ANKRD27: variants seen among roughly 807,000 people sequenced by gnomAD.
ANKRD27 encodes ankyrin repeat domain 27.
ANKRD27 carries 112 observed loss-of-function variants against 129.7 expected under a neutral mutation model. The ratio of observed to expected loss-of-function variants is 0.86; its 90% CI spans 0.74 to 1.01. The LOEUF (loss-of-function observed/expected upper bound fraction) is 1.01, where lower values mean the gene tolerates loss of function less well. Ranked by LOEUF, ANKRD27 falls within the 50% of genes least tolerant of loss-of-function variation. The pLI is 0.00. For missense variants in ANKRD27, 1,258 were observed against 1,300.5 expected (o/e 0.97, Z 0.50); for synonymous variants, 516 against 511.2 (o/e 1.01, Z -0.13).
At chr19:32,660,875 G>A (rs1967630858) in intron 1 of ANKRD27, among the ~76,000 whole-genome samples, 2 of 149,486 alleles carry the variant, frequency 1.3e-5, no homozygotes, top group Admixed American at 1.3e-4. Context: ...TTTTTCTTAG[G>A]ATTTATAGTT....
At chr19:32,612,409 G>GT (rs1295676557) in intron 22 of ANKRD27, among the ~76,000 whole-genome samples, 2 of 152,152 alleles carry the variant, frequency 1.3e-5, no homozygotes, top group African/African-American at 4.8e-5. Flanking sequence ...ACCAGTCTGG[G>GT]TACTATAAGA....
chr19:32,665,456 A>AT (rs111572108), intron 1 of ANKRD27, among the ~76,000 whole-genome samples: 18,989 of 104,276 alleles, frequency 0.18, 2,732 homozygotes, highest in African/African-American at 0.37. Context: ...CACCAGGCTA[A>AT]TTTTTGTTTG....
rs545968484 is a variant in ANKRD27, at chr19:32,599,187, C to T, written c.2919+517G>A. Among the ~76,000 whole-genome samples, 21 of 152,272 alleles carry T rather than the reference C, an allele frequency of 1.4e-4. No homozygotes were observed. In the East Asian group the frequency reaches 2.7e-3, roughly 20 times the overall value. On this transcript the variant is annotated intron_variant, in intron 28 of 28. Transcript: ENST00000306065. Reference sequence around the variant, plus strand: ...ATCCCAGCTACTCAGGAGGCTGAGGCGGGAGAATGCTTGAACCCGGGAGGT... The same window carrying T: ...ATCCCAGCTACTCAGGAGGCTGAGGTGGGAGAATGCTTGAACCCGGGAGGT...
chr19:32,644,745 C>CA (rs1271272811), intron 4 of ANKRD27, among the ~76,000 whole-genome samples: 1 of 152,226 alleles, frequency 6.6e-6, no homozygotes, highest in African/African-American at 2.4e-5. Flanking sequence ...GCATCCAGCA[C>CA]ATTATTATCT....
rs747101296 is a variant in ANKRD27, at chr19:32,643,513, G to C, written c.586-29C>G. On this transcript the variant is annotated intron_variant, in intron 6 of 28. Transcript: ENST00000306065. The stretch of plus-strand genomic sequence containing the variant: ...GAGGGCAAGAAAAGCACAGTGAAAG[G>C]GCTTGGATTTGCATGGGGGTGCACC... 7.4e-6 allele frequency: 12 copies of C among 1,613,748 alleles called. No individual in the cohort carries two copies. In the South Asian group the frequency reaches 1.3e-4, roughly 18 times the overall value.
intron 2 of ANKRD27, among the ~76,000 whole-genome samples, chr19:32,653,000 A>T (rs575157714): frequency 3.6e-4 from 55 of 152,138 alleles, no homozygotes; most frequent in African/African-American, 1.3e-3. Context: ...ACTCCAGGGC[A>T]CTCTCCTGCT....
intron 18 of ANKRD27, among the ~76,000 whole-genome samples, chr19:32,620,551 A>C (rs1971993357): frequency 6.9e-6 from 1 of 144,104 alleles, no homozygotes; most frequent in Non-Finnish European, 1.5e-5. Context: ...CCTGGGCGAC[A>C]GAGCGAGACT....
At chr19:32,628,237 T>C (rs745866612) in intron 14 of ANKRD27, 72 bp from the exon 15 acceptor site, 170 of 1,313,676 alleles carry the variant, frequency 1.3e-4, no homozygotes, top group Non-Finnish European at 1.7e-4. Context: ...ACCAGGTAGA[T>C]AGGCAGGTAC....
intron 17 of ANKRD27, among the ~76,000 whole-genome samples, chr19:32,625,499 T>G (rs1447184194): frequency 6.6e-6 from 1 of 151,494 alleles, no homozygotes; most frequent in East Asian, 2.0e-4. Flanking sequence ...GGTGCCATCT[T>G]GGCTCACTGC....
At chr19:32,605,689 ACG>A in intron 24 of ANKRD27, 144 bp downstream of exon 24, 1 of 1,085,500 alleles carries the variant, frequency 9.2e-7, no homozygotes. Context: ...GTGTGGGAAG[ACG>A]CACGCCCTGC....
chr19:32,632,356 C>T (rs777264668), intron 12 of ANKRD27, among the ~76,000 whole-genome samples: 11 of 150,892 alleles, frequency 7.3e-5, no homozygotes, highest in African/African-American at 1.5e-4. Flanking sequence ...GGGGCCGAGG[C>T]GCGTGGATCA....
At chr19:32,643,767 T>A in intron 5 of ANKRD27, 136 bp from the exon 6 acceptor site, 1 of 753,974 alleles carries the variant, frequency 1.3e-6, no homozygotes. Flanking sequence ...TTTTCTCAAC[T>A]TTTTTTTTAG....
rs1967152967 is a variant in ANKRD27, at chr19:32,639,442, C to A, written c.1030G>T (p.Ala344Ser). The change falls in exon 12 of 29, where the codon GCA (alanine) becomes TCA (serine). Residue 344 changes from alanine (A) to serine (S), a missense_variant. Coordinates refer to ENST00000306065, the MANE Select transcript of ANKRD27 (RefSeq NM_032139.3). ...AGGCAGTATCCCAGTTCATCCTTTG[C>A]CAAGCTGCTAAACCTGAAGTTTTTG... ...YIKNFRFSSL[A>S]KDELGYCLTS... 1 of 1,614,104 alleles carries A rather than the reference C, an allele frequency of 6.2e-7. No homozygotes were observed. Among genetic ancestry groups the A allele is most frequent in the African/African-American group, 1.3e-5 (1 of 75,038 alleles).
At chr19:32,624,238 G>A (rs1336318308) in intron 17 of ANKRD27, among the ~76,000 whole-genome samples, 1 of 152,080 alleles carries the variant, frequency 6.6e-6, no homozygotes, top group Non-Finnish European at 1.5e-5. Flanking sequence ...GTGGTGGTAT[G>A]TGTCTGCAGT....
intron 23 of ANKRD27, 84 bp from the exon 24 acceptor site, chr19:32,606,038 TAAATA>T (rs1366669857): frequency 1.6e-6 from 2 of 1,233,554 alleles, no homozygotes; most frequent in African/African-American, 3.2e-5. Flanking sequence ...AATAAATAAA[TAAATA>T]AATAAAATAA....
At chr19:32,601,947 C>G in intron 26 of ANKRD27, 68 bp downstream of exon 26, 1 of 957,330 alleles carries the variant, frequency 1.0e-6, no homozygotes. Context: ...TAAATGAACA[C>G]CAGCAACTAC....
chr19:32,644,572 G>A lies in ANKRD27; in HGVS notation c.371-93C>T, dbSNP rs922468803. On this transcript the variant is annotated intron_variant, in intron 4 of 28. Transcript: ENST00000306065. ...CAGGGCCTAGGCCCTCTGGGGAGGA[G>A]GGCAAATGTCCTTATTTCAAGACAC... The A allele has an allele frequency of 2.4e-5, 34 of 1,408,220 alleles. No homozygotes were observed. The African/African-American group carries it at 4.4e-4, about 18-fold the overall frequency. 87.2% of individuals were successfully genotyped at this position (1,408,220 alleles called of 1,614,324 possible). A position where few individuals can be genotyped will look rare whatever the true frequency, so the allele number is the denominator to read the frequency against.
chr19:32,660,661 C>G (rs902445921), intron 1 of ANKRD27, among the ~76,000 whole-genome samples: 22 of 152,310 alleles, frequency 1.4e-4, no homozygotes, highest in African/African-American at 5.3e-4. Context: ...TTCCCAGCCT[C>G]CAGAACTGTG....
chr19:32,625,149 G>A (rs1295274669), intron 17 of ANKRD27, among the ~76,000 whole-genome samples: 1 of 151,874 alleles, frequency 6.6e-6, no homozygotes, highest in Admixed American at 6.6e-5. Flanking sequence ...CCAGCTACTC[G>A]GGAGGCTGAG....
Sources: gnomAD v4.1 joint callset for allele counts (sites outside exome capture counted in the v4.1 genomes callset) on GRCh38, gnomAD v4.1.1 for gene constraint, MANE v1.5 for transcripts, NCBI Gene and HGNC (gene_info 2026-07-23, HGNC 2026-07-21) for gene names.